Variants in ZNF345 observed in about 807,000 individuals in gnomAD.
The protein encoded by ZNF345 is zinc finger protein HZF10.
For missense variants in ZNF345, 527 were observed against 589.9 expected, an observed-to-expected ratio of 0.89 and a Z score of 1.10; for synonymous variants, 166 against 187.9, an observed-to-expected ratio of 0.88 and a Z score of 0.95.
intron 3 of ZNF345, chr19:36,888,018 G>A (rs2073013353): frequency 6.6e-6 from 1 of 152,028 alleles, no homozygotes; most frequent in Non-Finnish European, 1.5e-5. Flanking sequence ...ATTAGGAAAA[G>A]TTACTGAAAC....
chr19:36,864,104 AAC>A (rs549488473), intron 2 of ZNF345, among the ~76,000 whole-genome samples: 30 of 152,348 alleles, frequency 2.0e-4, no homozygotes, highest in Admixed American at 8.5e-4. Flanking sequence ...AGGAACAGAA[AAC>A]ACAGCAATTT....
intron 3 of ZNF345, chr19:36,891,116 A>G (rs991670861): frequency 5.9e-6 from 1 of 168,970 alleles, no homozygotes; most frequent in Non-Finnish European, 1.3e-5. Flanking sequence ...AGACATACAC[A>G]GAGATACACA....
chr19:36,893,114 T>C (rs914305976), downstream of ZNF345: 4 of 397,438 alleles, frequency 1.0e-5, no homozygotes, highest in African/African-American at 8.2e-5. Context: ...ATAACAAATG[T>C]GTTGAAAGGT....
chr19:36,887,797 T>C (rs1230361585), intron 3 of ZNF345, among the ~76,000 whole-genome samples: 2 of 152,190 alleles, frequency 1.3e-5, no homozygotes, highest in African/African-American at 4.8e-5. Context: ...ACTCTACTTA[T>C]TGGGTCTCCT....
intron 2 of ZNF345, among the ~76,000 whole-genome samples, chr19:36,871,302 A>G (rs1421821184): frequency 2.6e-5 from 4 of 152,208 alleles, no homozygotes; most frequent in African/African-American, 9.6e-5. Context: ...TGATAACTAA[A>G]GTTCAACATT....
rs761515816 is a variant in ZNF345, at chr19:36,876,783, A to G, written c.-46-2A>G. On this transcript the variant is annotated splice_acceptor_variant, in intron 2 of 2. Coordinates refer to ENST00000420450, the MANE Select transcript of ZNF345 (RefSeq NM_001242472.2). LOFTEE classifies it low-confidence loss of function (5UTR_SPLICE). ...AATGTTTGCTTTTATATTTTCTTTC[A>G]GACTATGAATCAAAGTTGAGACCAA... The G allele has an allele frequency of 2.0e-6, 3 of 1,519,124 alleles. No individual in the cohort carries two copies. In the South Asian group the frequency reaches 4.0e-5, roughly 20 times the overall value. 94.1% of individuals were successfully genotyped at this position (1,519,124 alleles called of 1,614,324 possible). A position where few individuals can be genotyped will look rare whatever the true frequency, so the allele number is the denominator to read the frequency against.
chr19:36,884,719 G>T (rs550229864), intron 3 of ZNF345, among the ~76,000 whole-genome samples: 1 of 152,142 alleles, frequency 6.6e-6, no homozygotes, highest in Admixed American at 6.5e-5. Flanking sequence ...CATAAATCAT[G>T]TTATACTGTC....
chr19:36,877,590 G>A lies in ZNF345; in HGVS notation c.760G>A (p.Gly254Ser), dbSNP rs763960472. 32 of 1,613,940 alleles carry A rather than the reference G, an allele frequency of 2.0e-5. No individual in the cohort carries two copies. Among genetic ancestry groups the A allele is most frequent in the East Asian group, 6.7e-5 (3 of 44,882 alleles). Residue 254 changes from glycine to serine, a missense_variant, in exon 3 of 3, where the codon GGT becomes AGT. Transcript: ENST00000420450. ...ALTRHQRIHT[G>S]EKPYICNECG... Reference sequence around the variant, plus strand: ...TACTCGGCATCAGAGAATTCATACCGGTGAGAAACCATATATATGTAATGA... The same window carrying A: ...TACTCGGCATCAGAGAATTCATACCAGTGAGAAACCATATATATGTAATGA...
At chr19:36,881,013 G>A (rs2072964759), downstream of ZNF345, among the ~76,000 whole-genome samples, 1 of 151,908 alleles carries the variant, frequency 6.6e-6, no homozygotes, top group Non-Finnish European at 1.5e-5. Flanking sequence ...ATAATGGGAG[G>A]GAAAAATAAT....
At chr19:36,891,256 A>G in intron 3 of ZNF345, 1 of 438,966 alleles carries the variant, frequency 2.3e-6, no homozygotes, top group Non-Finnish European at 3.9e-6. Context: ...GAGTCCTCAG[A>G]AGGAACCAAA....
chr19:36,860,854 A>C (rs1034778717), intron 2 of ZNF345, among the ~76,000 whole-genome samples: 1 of 152,166 alleles, frequency 6.6e-6, no homozygotes, highest in Non-Finnish European at 1.5e-5. Flanking sequence ...CTACTCACCA[A>C]ACTTTTCCCC....
At chr19:36,867,010 A>G (rs1022440549) in intron 2 of ZNF345, among the ~76,000 whole-genome samples, 1 of 152,150 alleles carries the variant, frequency 6.6e-6, no homozygotes, top group African/African-American at 2.4e-5. Context: ...ATTGTAGTGG[A>G]TGTTTTACCT....
intron 1 of ZNF345, 194 bp from the exon 2 acceptor site, chr19:36,851,636 C>T (rs1253236042): frequency 6.6e-6 from 1 of 152,326 alleles, no homozygotes; most frequent in African/African-American, 2.4e-5. Flanking sequence ...AGCTCAGGGA[C>T]AGGTTCTGCC....
chr19:36,877,401 C>A lies in ZNF345; in HGVS notation c.571C>A (p.Arg191=). Residue 191 remains arginine (R), a synonymous_variant, in exon 3 of 3, where the codon CGG becomes AGG. Transcript: ENST00000420450. ...CTTTAGTTTTGAATCAGCCCTTATT[C>A]GGCATCACAGAATTCACACAGGTGA... ...KSFSFESALI[R]HHRIHTGEKP... is the part of the protein sequence containing the mutation. 1 of 1,613,970 alleles carries A rather than the reference C, an allele frequency of 6.2e-7. No homozygotes were observed. Among genetic ancestry groups the A allele is most frequent in the Non-Finnish European group, 8.5e-7 (1 of 1,179,976 alleles).
intron 2 of ZNF345, among the ~76,000 whole-genome samples, chr19:36,861,645 C>CT (rs2072549518): frequency 6.6e-6 from 1 of 152,180 alleles, no homozygotes; most frequent in African/African-American, 2.4e-5. Context: ...ACTGCAACCT[C>CT]TGTCTCCTGG....
At chr19:36,883,927 C>A (rs1421314447), downstream of ZNF345, among the ~76,000 whole-genome samples, 1 of 152,178 alleles carries the variant, frequency 6.6e-6, no homozygotes, top group Admixed American at 6.5e-5. Flanking sequence ...ACACCAGGCA[C>A]AAGTTCAGAG....
intron 2 of ZNF345, among the ~76,000 whole-genome samples, chr19:36,859,721 T>C (rs1162182383): frequency 6.6e-6 from 1 of 152,204 alleles, no homozygotes; most frequent in Admixed American, 6.5e-5. Context: ...TTTTGTTAAC[T>C]TTAAAATTTT....
chr19:36,882,924 A>G (rs2146213806), downstream of ZNF345, among the ~76,000 whole-genome samples: 1 of 152,282 alleles, frequency 6.6e-6, no homozygotes, highest in Non-Finnish European at 1.5e-5. Context: ...AATTCTGAAA[A>G]GTGGGCACAA....
At chr19:36,862,600 G>T (rs952643031) in intron 2 of ZNF345, among the ~76,000 whole-genome samples, 2 of 146,956 alleles carry the variant, frequency 1.4e-5, no homozygotes, top group African/African-American at 5.1e-5. Context: ...GGAGGCAGAG[G>T]TTGCAGTGAG....
Sources: gnomAD v4.1 joint callset for allele counts (sites outside exome capture counted in the v4.1 genomes callset) on GRCh38, gnomAD v4.1.1 for gene constraint, MANE v1.5 for transcripts, NCBI Gene and HGNC (gene_info 2026-07-23, HGNC 2026-07-21) for gene names.